ROCK2: variants seen among roughly 807,000 people sequenced by gnomAD.
ROCK2 encodes the protein Rho associated coiled-coil containing protein kinase 2, also known as rho-associated protein kinase 2.
ROCK2 carries 61 observed loss-of-function variants against 195.1 expected under a neutral mutation model. The ratio of observed to expected loss-of-function variants is 0.31; its 90% CI spans 0.25 to 0.39. The LOEUF (loss-of-function observed/expected upper bound fraction) is 0.39, where lower values mean the gene tolerates loss of function less well. Among genes scored for constraint, ROCK2 ranks in the 10% least tolerant of loss-of-function variants. The pLI, the probability that ROCK2 is intolerant of heterozygous loss-of-function variation, is 1.00. For missense variants in ROCK2, 1,109 were observed against 1,637.4 expected, an observed-to-expected ratio of 0.68 and a Z score of 5.57; for synonymous variants, 504 against 545.5, an observed-to-expected ratio of 0.92 and a Z score of 1.06.
At chr2:11,268,205 G>GA (rs1217068929) in intron 3 of ROCK2, among the ~76,000 whole-genome samples, 9 of 152,206 alleles carry the variant, frequency 5.9e-5, no homozygotes, top group African/African-American at 1.7e-4. Flanking sequence ...GCTGAGGTAG[G>GA]AAACCTGAGC....
At chr2:11,296,019 A>G (rs866266145) in intron 1 of ROCK2, among the ~76,000 whole-genome samples, 23 of 109,966 alleles carry the variant, frequency 2.1e-4, no homozygotes, top group Middle Eastern at 4.4e-3. Flanking sequence ...AGAGAGAGAG[A>G]GAGAGAGAGA....
intron 1 of ROCK2, among the ~76,000 whole-genome samples, chr2:11,330,694 A>G: frequency 7.3e-6 from 1 of 136,680 alleles, no homozygotes; most frequent in East Asian, 2.5e-4. Context: ...CAAAAAAAGG[A>G]GAAGGGGGAG....
At chr2:11,330,766 A>AGGAGGAGGGAGGT (rs1558399695) in intron 1 of ROCK2, among the ~76,000 whole-genome samples, 1 of 71,770 alleles carries the variant, frequency 1.4e-5, no homozygotes. Context: ...AGGAGGGAGG[A>AGGAGGAGGGAGGT]GGAGGAGGGA....
At chr2:11,297,932 T>C (rs1347906978) in intron 1 of ROCK2, among the ~76,000 whole-genome samples, 1 of 152,162 alleles carries the variant, frequency 6.6e-6, no homozygotes, top group African/African-American at 2.4e-5. Context: ...TGTTAAAAAC[T>C]TGTACATAAA....
In ROCK2 at chr2:11,194,317, G is replaced by A; in HGVS notation, c.3547C>T (p.Leu1183Phe). 6.8e-7 allele frequency: 1 copy of A among 1,462,418 alleles called. No homozygotes were observed. The highest frequency in any genetic ancestry group is 9.3e-7 in the Non-Finnish European group (1 of 1,080,764). 90.6% of individuals were successfully genotyped at this position (1,462,418 alleles called of 1,614,324 possible). A position where few individuals can be genotyped will look rare whatever the true frequency, so the allele number is the denominator to read the frequency against. The change falls in exon 29 of 33, where the codon CTT (leucine) becomes TTT (phenylalanine). Residue 1183 changes from leucine to phenylalanine, a missense_variant. Physicochemically the swap from Leu to Phe is conservative, Grantham distance 22. Around this residue, in one of 6 missense-constraint regions of ROCK2, gnomAD observed 221 missense variants for 355.1 expected, o/e 0.62. Coordinates refer to ENST00000315872, the MANE Select transcript of ROCK2 (RefSeq NM_004850.5). The stretch of plus-strand genomic sequence containing the variant: ...TTATCTTGTTCACTGTCATAGAAAA[G>A]AATCTTCTTACTGCTTACAATCACA... ...KYVIVSSKKI[L>F]FYDSEQDKEQ...
intron 1 of ROCK2, among the ~76,000 whole-genome samples, chr2:11,324,362 T>A (rs145744867): frequency 6.6e-6 from 1 of 151,980 alleles, no homozygotes; most frequent in Non-Finnish European, 1.5e-5. Context: ...GAGGCGGAGG[T>A]TGCAGTGAGC....
At position 11,211,686 on chromosome 2, in the gene ROCK2, A is replaced by G; in HGVS notation, c.2198T>C (p.Met733Thr). 1 of 1,601,756 alleles carries G rather than the reference A, an allele frequency of 6.2e-7. No individual in the cohort carries two copies. The highest frequency in any genetic ancestry group is 8.5e-7 in the Non-Finnish European group (1 of 1,175,078). ...ESIEEAKSEA[M>T]KEMEKKLLEE... Reference sequence around the variant, plus strand: ...CCTCTTTAAAAAATGCATACCTTTCATGGCTTCTGATTTGGCTTCTTCGAT... The same window carrying G: ...CCTCTTTAAAAAATGCATACCTTTCGTGGCTTCTGATTTGGCTTCTTCGAT... The change falls in exon 18 of 33, where the codon ATG becomes ACG. Residue 733 changes from methionine to threonine, a missense_variant. Around this residue, in one of 6 missense-constraint regions of ROCK2, gnomAD observed 542 missense variants for 672.0 expected, o/e 0.81. Transcript: ENST00000315872.
chr2:11,321,412 G>A (rs1286445190), intron 1 of ROCK2, among the ~76,000 whole-genome samples: 2 of 151,438 alleles, frequency 1.3e-5, no homozygotes, highest in Admixed American at 1.3e-4. Flanking sequence ...TCCTGCCCCA[G>A]TGATCCATCC....
intron 1 of ROCK2, among the ~76,000 whole-genome samples, chr2:11,339,975 A>G (rs781278473): frequency 1.3e-5 from 2 of 152,346 alleles, no homozygotes; most frequent in African/African-American, 2.4e-5. Flanking sequence ...TTTAGAATTC[A>G]AAATGGGAAA....
intron 15 of ROCK2, 51 bp downstream of exon 15, chr2:11,215,270 T>C: frequency 6.9e-7 from 1 of 1,451,564 alleles, no homozygotes; most frequent in Non-Finnish European, 9.4e-7. Context: ...ACTAATGTTA[T>C]CGCGTTAAAA....
intron 17 of ROCK2, among the ~76,000 whole-genome samples, chr2:11,213,080 G>C (rs999467932): frequency 6.6e-6 from 1 of 152,118 alleles, no homozygotes; most frequent in Admixed American, 6.5e-5. Flanking sequence ...ACTATTAAGT[G>C]CTGCCAAATA....
intron 3 of ROCK2, among the ~76,000 whole-genome samples, chr2:11,279,417 G>T (rs756894202): frequency 6.6e-6 from 1 of 152,168 alleles, no homozygotes; most frequent in Non-Finnish European, 1.5e-5. Flanking sequence ...AGCAAGGAAA[G>T]TTACCAGCGA....
Position 11,317,595 on chromosome 2 carries a change from TATATATA to T in ROCK2, c.141+26394_141+26400del, listed in dbSNP as rs1387811341. On this transcript the variant is annotated intron_variant, in intron 1 of 32. Coordinates refer to ENST00000315872, the MANE Select transcript of ROCK2 (RefSeq NM_004850.5). ...ACACATTTATATATATATATATATA[TATATATA>T]TATATATATATTTTTTTTTTTTTTT... 8.8e-4 allele frequency among the ~76,000 whole-genome samples: 14 copies of T among 15,954 alleles called. 1 individual carries two copies. Among genetic ancestry groups the T allele is most frequent in the South Asian group, 6.4e-3 (3 of 466 alleles). The allele number at this position is 15,954 out of a possible 152,430, so 10.5% of individuals were successfully genotyped here.
At chr2:11,305,173 C>T (rs550566253) in intron 1 of ROCK2, among the ~76,000 whole-genome samples, 2 of 152,144 alleles carry the variant, frequency 1.3e-5, no homozygotes, top group Admixed American at 6.5e-5. Context: ...GTCAGGAGTT[C>T]GAGACCAGCC....
rs780783659 is a variant in ROCK2, at chr2:11,201,099, T to C, written c.2768A>G (p.Asp923Gly). 10 of 1,613,072 alleles carry C rather than the reference T, an allele frequency of 6.2e-6. No individual in the cohort carries two copies. The highest frequency in any genetic ancestry group is 2.2e-5 in the South Asian group (2 of 90,624). ...AQLEITLTKA[D>G]SEQLARSIAE... is the part of the protein sequence containing the mutation. ...AATTGAACGAGCCAGTTGCTCAGAA[T>C]CTGCTTTGGTCAAGGTGATCTCCAG... Residue 923 changes from aspartate to glycine, a missense_variant, in exon 23 of 33, where the codon GAT (aspartate) becomes GGT (glycine). Around this residue, in one of 6 missense-constraint regions of ROCK2, gnomAD observed 542 missense variants for 672.0 expected, o/e 0.81. Transcript: ENST00000315872. The surrounding 1 kb of genome is among the most constrained non-coding windows in gnomAD (Gnocchi z 4.6).
chr2:11,191,038 G>C (rs1422462319), intron 32 of ROCK2, among the ~76,000 whole-genome samples: 5 of 152,096 alleles, frequency 3.3e-5, no homozygotes, highest in South Asian at 2.1e-4. Context: ...ATTAGTTTCA[G>C]AAAGTTTCAT....
chr2:11,270,114 TTTCTTTTTTATTCGC>T (rs1195948983), intron 3 of ROCK2, among the ~76,000 whole-genome samples: 40 of 10,236 alleles, frequency 3.9e-3, no homozygotes, highest in Middle Eastern at 0.17. Flanking sequence ...GTAATTTTGC[TTTCTTTTTTATTCGC>T]AATTTTGCTT....
At chr2:11,306,421 C>A (rs898317454) in intron 1 of ROCK2, among the ~76,000 whole-genome samples, 2 of 152,134 alleles carry the variant, frequency 1.3e-5, no homozygotes, top group African/African-American at 4.8e-5. Context: ...CTTCTTTCTC[C>A]TTACCACTTA....
chr2:11,306,432 T>C (rs1007865087), intron 1 of ROCK2, among the ~76,000 whole-genome samples: 2 of 152,184 alleles, frequency 1.3e-5, no homozygotes, highest in South Asian at 2.1e-4. Context: ...TTACCACTTA[T>C]CACTATCCTA....
Sources: allele counts gnomAD v4.1 joint callset (sites outside exome capture counted in the v4.1 genomes callset), GRCh38; gene constraint gnomAD v4.1.1; regional missense constraint gnomAD v4.1.1; non-coding constraint Gnocchi (gnomAD v3.1); transcripts MANE v1.5; gene names NCBI Gene and HGNC (gene_info 2026-07-23, HGNC 2026-07-21).